The following OR10H2 variants were observed in gnomAD, a reference collection of about 807,000 sequenced individuals.
OR10H2 encodes olfactory receptor family 10 subfamily H member 2.
A neutral mutation model predicts 0.8 loss-of-function variants in OR10H2; 1 was observed. The observed-to-expected ratio is 1.23, with a 90% CI of 0.44 to 5.84. The LOEUF (loss-of-function observed/expected upper bound fraction) is 5.84. OR10H2 is among the 30% of genes most tolerant of loss of function. The pLI is 0.15. For synonymous variants in OR10H2, 204 were observed against 174.3 expected, an observed-to-expected ratio of 1.17 and a Z score of -1.34; for missense variants, 355 against 405.9, an observed-to-expected ratio of 0.87 and a Z score of 1.08.
Position 15,728,770 on chromosome 19 carries a change from G to A in OR10H2, c.727G>A (p.Ala243Thr). ...TCGGAACAAGGCCTTCTCCACCTGT[G>A]CCTCTCACCTTATTGTGGTCATTGT... ...EGRNKAFSTC[A>T]SHLIVVIVHY... The change falls in exon 1 of 1, where the codon GCC becomes ACC. Residue 243 changes from alanine (A) to threonine (T), a missense_variant. Ala to Thr is a moderately conservative substitution (Grantham distance 58). Coordinates refer to ENST00000305899, the MANE Select transcript of OR10H2 (RefSeq NM_013939.2). The A allele has an allele frequency of 1.2e-6, 2 of 1,614,096 alleles. No individual in the cohort carries two copies. Among genetic ancestry groups the A allele is most frequent in the Non-Finnish European group, 1.7e-6 (2 of 1,180,034 alleles).
In OR10H2 at chr19:15,728,511, G is replaced by T. The variant is rs1296729487; in HGVS notation, c.468G>T (p.Gly156=). ...GCSWAGGSVM[G]MVVTSAIFQL... ...CCTGGGCTGGTGGCTCGGTCATGGGGATGGTGGTGACCTCGGCCATTTTCC... is the reference window on the plus strand; with the variant it reads ...CCTGGGCTGGTGGCTCGGTCATGGGTATGGTGGTGACCTCGGCCATTTTCC... Residue 156 remains glycine, a synonymous_variant, in exon 1 of 1, where the codon GGG becomes GGT. Transcript: ENST00000305899. The T allele has an allele frequency of 5.0e-6, 8 of 1,612,960 alleles. No individual in the cohort carries two copies. Among genetic ancestry groups the T allele is most frequent in the Non-Finnish European group, 6.8e-6 (8 of 1,179,252 alleles).
Position 15,728,709 on chromosome 19 carries a change from C to T in OR10H2, c.666C>T (p.Ile222=), listed in dbSNP as rs780524555. The T allele has an allele frequency of 2.5e-6, 4 of 1,614,070 alleles. No individual in the cohort carries two copies. Among genetic ancestry groups the T allele is most frequent in the South Asian group, 1.1e-5 (1 of 91,078 alleles). Residue 222 remains isoleucine, a synonymous_variant, in exon 1 of 1, where the codon ATC becomes ATT. Transcript: ENST00000305899. Reference sequence around the variant, plus strand: ...TCATCCTCCTCTCCTATGCCTTCATCGTGGCCGACATCTTGAAGATCCCTT... The same window carrying T: ...TCATCCTCCTCTCCTATGCCTTCATTGTGGCCGACATCTTGAAGATCCCTT... ...FLLILLSYAF[I]VADILKIPSA...
chr19:15,728,035 G>T lies in OR10H2; in HGVS notation c.-9G>T, dbSNP rs1310442175. ...TCTTTCCTCTCTTCCCCAACTAGGGGTGGCCGTCATGCTGGGGCTAAACCA... is the reference window on the plus strand; with the variant it reads ...TCTTTCCTCTCTTCCCCAACTAGGGTTGGCCGTCATGCTGGGGCTAAACCA... On this transcript the variant is annotated 5_prime_UTR_variant, in exon 1 of 1. Coordinates refer to ENST00000305899, the MANE Select transcript of OR10H2 (RefSeq NM_013939.2). The T allele has an allele frequency of 1.2e-6, 2 of 1,601,994 alleles. No individual in the cohort carries two copies. Among genetic ancestry groups the T allele is most frequent in the Non-Finnish European group, 1.7e-6 (2 of 1,172,066 alleles).
At position 15,728,024 on chromosome 19, in the gene OR10H2, C is replaced by G; in HGVS notation, c.-20C>G. On this transcript the variant is annotated 5_prime_UTR_variant, in exon 1 of 1. Transcript: ENST00000305899. Reference sequence around the variant, plus strand: ...CCACTGGGTCTTCTTTCCTCTCTTCCCCAACTAGGGGTGGCCGTCATGCTG... The same window carrying G: ...CCACTGGGTCTTCTTTCCTCTCTTCGCCAACTAGGGGTGGCCGTCATGCTG... 1 of 1,592,732 alleles carries G rather than the reference C, an allele frequency of 6.3e-7. No homozygotes were observed. The highest frequency in any genetic ancestry group is 8.6e-7 in the Non-Finnish European group (1 of 1,166,616).
At position 15,728,498 on chromosome 19, in the gene OR10H2, G is replaced by A; in HGVS notation, c.455G>A (p.Gly152Asp). The A allele has an allele frequency of 6.2e-7, 1 of 1,612,376 alleles. No individual in the cohort carries two copies. The highest frequency in any genetic ancestry group is 8.5e-7 in the Non-Finnish European group (1 of 1,178,716). ...ACLVGCSWAG[G>D]SVMGMVVTSA... ...CTGGTGGGCTGCTCCTGGGCTGGTG[G>A]CTCGGTCATGGGGATGGTGGTGACC... The change falls in exon 1 of 1, where the codon GGC becomes GAC. Residue 152 changes from glycine to aspartate, a missense_variant. Physicochemically the swap from Gly to Asp is moderately conservative, Grantham distance 94. Coordinates refer to ENST00000305899, the MANE Select transcript of OR10H2 (RefSeq NM_013939.2).
In OR10H2 at chr19:15,728,292, C is replaced by A; in HGVS notation, c.249C>A (p.Ala83=). The A allele has an allele frequency of 1.2e-6, 2 of 1,613,124 alleles. No homozygotes were observed. The highest frequency in any genetic ancestry group is 1.7e-6 in the Non-Finnish European group (2 of 1,179,184). Residue 83 remains alanine, a synonymous_variant, in exon 1 of 1, where the codon GCC becomes GCA. Coordinates refer to ENST00000305899, the MANE Select transcript of OR10H2 (RefSeq NM_013939.2). ...TGGCCATCATCCCGCGCATGCTGGC[C>A]GACCTGCTGTCCACCCAGCGCTCCA... ...YTVAIIPRML[A]DLLSTQRSIA...
In OR10H2 at chr19:15,728,666, T is replaced by C. The variant is rs1285013869; in HGVS notation, c.623T>C (p.Leu208Pro). 1 of 1,614,244 alleles carries C rather than the reference T, an allele frequency of 6.2e-7. No homozygotes were observed. Among genetic ancestry groups the C allele is most frequent in the Non-Finnish European group, 8.5e-7 (1 of 1,180,040 alleles). ...LGVGLVCIMA[L>P]LGCFLLILLS... ...GTGGGCTTGGTATGTATCATGGCAC[T>C]GCTGGGCTGTTTTCTCCTCATCCTC... The change falls in exon 1 of 1, where the codon CTG becomes CCG. Residue 208 changes from leucine to proline, a missense_variant. Transcript: ENST00000305899.
chr19:15,728,609 G>T lies in OR10H2; in HGVS notation c.566G>T (p.Cys189Phe). ...GTGCCACCTCTGTTGAAGTTGGCCTGTGGAAATAATGTACCAGCTGTGGCC... is the reference window on the plus strand; with the variant it reads ...GTGCCACCTCTGTTGAAGTTGGCCTTTGGAAATAATGTACCAGCTGTGGCC... ...CHVPPLLKLA[C>F]GNNVPAVALG... Residue 189 changes from cysteine (C) to phenylalanine (F), a missense_variant, in exon 1 of 1, where the codon TGT becomes TTT. Physicochemically the swap from Cys to Phe is radical, Grantham distance 205 (BLOSUM62 -2). Coordinates refer to ENST00000305899, the MANE Select transcript of OR10H2 (RefSeq NM_013939.2). 2 of 1,614,216 alleles carry T rather than the reference G, an allele frequency of 1.2e-6. No homozygotes were observed. The highest frequency in any genetic ancestry group is 2.7e-5 in the African/African-American group (2 of 75,062).
At position 15,728,810 on chromosome 19, in the gene OR10H2, C is replaced by T; in HGVS notation, c.767C>T (p.Ala256Val). 6.2e-7 allele frequency: 1 copy of T among 1,614,162 alleles called. No homozygotes were observed. The highest frequency in any genetic ancestry group is 1.3e-5 in the African/African-American group (1 of 75,020). Residue 256 changes from alanine to valine, a missense_variant, in exon 1 of 1, where the codon GCC becomes GTC. Ala to Val is a moderately conservative substitution (Grantham distance 64). Coordinates refer to ENST00000305899, the MANE Select transcript of OR10H2 (RefSeq NM_013939.2). ...GTGGTCATTGTGCACTATGGCTTTG[C>T]CTCTGTCATCTACCTCAAGCCCAAA... ...LIVVIVHYGFASVIYLKPKGP... is the reference protein window; with the variant it reads ...LIVVIVHYGFVSVIYLKPKGP...
In OR10H2 at chr19:15,728,089, G is replaced by C. The variant is rs878935884; in HGVS notation, c.46G>C (p.Gly16Arg). 1.2e-6 allele frequency: 2 copies of C among 1,614,000 alleles called. No individual in the cohort carries two copies. The highest frequency in any genetic ancestry group is 1.7e-6 in the Non-Finnish European group (2 of 1,179,968). The change falls in exon 1 of 1, where the codon GGC becomes CGC. Residue 16 changes from glycine to arginine, a missense_variant. Physicochemically the swap from Gly to Arg is moderately radical, Grantham distance 125. Coordinates refer to ENST00000305899, the MANE Select transcript of OR10H2 (RefSeq NM_013939.2). ...CTCCATGTCTGAATTCATCCTCGTC[G>C]GCTTCTCTGCCTTCCCCCACCTCCA... is the stretch of plus-strand genomic sequence containing the variant. Reference protein sequence around the residue: ...HTSMSEFILVGFSAFPHLQLM... With the variant: ...HTSMSEFILVRFSAFPHLQLM...
Position 15,728,791 on chromosome 19 carries a change from A to T in OR10H2, c.748A>T (p.Ile250Phe). Residue 250 changes from isoleucine to phenylalanine, a missense_variant, in exon 1 of 1, where the codon ATT (isoleucine) becomes TTT (phenylalanine). This residue lies in a region of OR10H2 where 178 missense variants were observed against 172.8 expected (regional missense o/e 1.03). Coordinates refer to ENST00000305899, the MANE Select transcript of OR10H2 (RefSeq NM_013939.2). ...STCASHLIVVIVHYGFASVIY... is the reference protein window; with the variant it reads ...STCASHLIVVFVHYGFASVIY... ...CTGTGCCTCTCACCTTATTGTGGTC[A>T]TTGTGCACTATGGCTTTGCCTCTGT... is the stretch of plus-strand genomic sequence containing the variant. 6.2e-7 allele frequency: 1 copy of T among 1,614,154 alleles called. No individual in the cohort carries two copies. The highest frequency in any genetic ancestry group is 8.5e-7 in the Non-Finnish European group (1 of 1,180,026).
Position 15,728,280 on chromosome 19 carries a change from G to A in OR10H2, c.237G>A (p.Pro79=), listed in dbSNP as rs753545465. The part of the protein sequence containing the change: ...SEILYTVAII[P]RMLADLLSTQ... ...TCCTCTACACCGTGGCCATCATCCC[G>A]CGCATGCTGGCCGACCTGCTGTCCA... The change falls in exon 1 of 1, where the codon CCG becomes CCA. Residue 79 remains proline, a synonymous_variant. Coordinates refer to ENST00000305899, the MANE Select transcript of OR10H2 (RefSeq NM_013939.2). 3.5e-5 allele frequency: 56 copies of A among 1,613,102 alleles called. No homozygotes were observed. Among genetic ancestry groups the A allele is most frequent in the Non-Finnish European group, 4.4e-5 (52 of 1,179,306 alleles).
chr19:15,728,510 G>A lies in OR10H2; in HGVS notation c.467G>A (p.Gly156Glu). Residue 156 changes from glycine (G) to glutamate (E), a missense_variant, in exon 1 of 1, where the codon GGG becomes GAG. Physicochemically the swap from Gly to Glu is moderately conservative, Grantham distance 98 (BLOSUM62 -2). Transcript: ENST00000305899. ...GCSWAGGSVM[G>E]MVVTSAIFQL... ...TCCTGGGCTGGTGGCTCGGTCATGG[G>A]GATGGTGGTGACCTCGGCCATTTTC... is the stretch of plus-strand genomic sequence containing the variant. The A allele has an allele frequency of 6.2e-7, 1 of 1,613,010 alleles. No homozygotes were observed. Among genetic ancestry groups the A allele is most frequent in the Non-Finnish European group, 8.5e-7 (1 of 1,179,214 alleles).
chr19:15,728,250 C>G lies in OR10H2; in HGVS notation c.207C>G (p.Ser69=), dbSNP rs1448794833. 2 of 1,614,220 alleles carry G rather than the reference C, an allele frequency of 1.2e-6. No individual in the cohort carries two copies. The highest frequency in any genetic ancestry group is 1.7e-6 in the Non-Finnish European group (2 of 1,180,020). The change falls in exon 1 of 1, where the codon TCC becomes TCG. Residue 69 remains serine, a synonymous_variant. Transcript: ENST00000305899. The stretch of plus-strand genomic sequence containing the variant: ...TCTTCCTGTGCGTCCTCTCAGTCTC[C>G]GAGATCCTCTACACCGTGGCCATCA... ...MYLFLCVLSV[S]EILYTVAIIP...
chr19:15,728,566 C>G lies in OR10H2; in HGVS notation c.523C>G (p.Gln175Glu), dbSNP rs567363344. The change falls in exon 1 of 1, where the codon CAG (glutamine) becomes GAG (glutamate). Residue 175 changes from glutamine (Q) to glutamate (E), a missense_variant. Coordinates refer to ENST00000305899, the MANE Select transcript of OR10H2 (RefSeq NM_013939.2). Reference protein sequence around the residue: ...QLTFCGSHEIQHFLCHVPPLL... With the variant: ...QLTFCGSHEIEHFLCHVPPLL... ...GACTTTCTGTGGATCCCATGAGATCCAGCATTTTTTATGTCATGTGCCACC... is the reference window on the plus strand; with the variant it reads ...GACTTTCTGTGGATCCCATGAGATCGAGCATTTTTTATGTCATGTGCCACC... 2 of 1,614,046 alleles carry G rather than the reference C, an allele frequency of 1.2e-6. No individual in the cohort carries two copies. The highest frequency in any genetic ancestry group is 4.5e-5 in the East Asian group (2 of 44,870).
chr19:15,728,184 C>G lies in OR10H2; in HGVS notation c.141C>G (p.Ala47=). The G allele has an allele frequency of 3.7e-6, 6 of 1,614,190 alleles. No individual in the cohort carries two copies. Among genetic ancestry groups the G allele is most frequent in the Non-Finnish European group, 4.2e-6 (5 of 1,180,010 alleles). ...FTLLGNLLIM[A]TVWSERSLHT... is the part of the protein sequence containing the mutation. ...TGCTGGGCAACCTGCTCATCATGGC[C>G]ACCGTCTGGAGCGAGCGCAGCCTCC... Residue 47 remains alanine, a synonymous_variant, in exon 1 of 1, where the codon GCC becomes GCG. Transcript: ENST00000305899.
rs768454942 is a variant in OR10H2 at position 15,728,985 on chromosome 19, C to A, written c.942C>A (p.Gly314=). The A allele has an allele frequency of 5.6e-6, 9 of 1,609,658 alleles. No homozygotes were observed. Among genetic ancestry groups the A allele is most frequent in the Non-Finnish European group, 7.6e-6 (9 of 1,176,916 alleles). The change falls in exon 1 of 1, where the codon GGC becomes GGA. Residue 314 remains glycine (G), a synonymous_variant. Transcript: ENST00000305899. The part of the protein sequence containing the change: ...RTFLSTLYSS[G]T ...TCCTCAGCACACTCTATTCCTCAGG[C>A]ACCTGAGTAGCTGGTGTGGAAGTGC...
In OR10H2 at chr19:15,728,886, C is replaced by G. The variant is rs761715193; in HGVS notation, c.843C>G (p.Val281=). The G allele has an allele frequency of 1.9e-6, 3 of 1,614,084 alleles. No individual in the cohort carries two copies. Among genetic ancestry groups the G allele is most frequent in the Non-Finnish European group, 2.5e-6 (3 of 1,180,040 alleles). The part of the protein sequence containing the change: ...GDTLMATTYA[V]LTPFLSPIIF... ...CCCTGATGGCCACCACCTACGCAGT[C>G]CTCACGCCCTTCCTCAGCCCCATCA... Residue 281 remains valine, a synonymous_variant, in exon 1 of 1, where the codon GTC becomes GTG. Coordinates refer to ENST00000305899, the MANE Select transcript of OR10H2 (RefSeq NM_013939.2).
Position 15,728,085 on chromosome 19 carries a change from C to A in OR10H2, c.42C>A (p.Leu14=). The change falls in exon 1 of 1, where the codon CTC becomes CTA. Residue 14 remains leucine, a synonymous_variant. Transcript: ENST00000305899. ...ACACCTCCATGTCTGAATTCATCCT[C>A]GTCGGCTTCTCTGCCTTCCCCCACC... ...LNHTSMSEFI[L]VGFSAFPHLQ... is the part of the protein sequence containing the mutation. 1.2e-6 allele frequency: 2 copies of A among 1,614,012 alleles called. No homozygotes were observed. The highest frequency in any genetic ancestry group is 1.7e-6 in the Non-Finnish European group (2 of 1,179,938).
Sources: allele counts gnomAD v4.1 joint callset, GRCh38; gene constraint gnomAD v4.1.1; regional missense constraint gnomAD v4.1.1; transcripts MANE v1.5; gene names NCBI Gene and HGNC (gene_info 2026-07-23, HGNC 2026-07-21).